STIM2: variants seen among roughly 807,000 people sequenced by gnomAD.
The protein encoded by STIM2 is stromal interaction molecule 2.
Under a neutral mutation model 85.8 loss-of-function variants are expected in STIM2, and 31 were observed. The ratio of observed to expected loss-of-function variants is 0.36; its 90% CI spans 0.27 to 0.49. The LOEUF is 0.49. STIM2 is among the 20% of genes least tolerant of loss of function. The pLI is 0.98. For synonymous variants in STIM2, 356 were observed against 331.1 expected (o/e 1.08, Z -0.82); for missense variants, 841 against 927.6 (o/e 0.91, Z 1.21).
At chr4:26,922,254 T>C (rs1724832100) in intron 2 of STIM2, among the ~76,000 whole-genome samples, 1 of 152,004 alleles carries the variant, frequency 6.6e-6, no homozygotes, top group Non-Finnish European at 1.5e-5. Flanking sequence ...AAAATAGAGG[T>C]AATTTATAGA....
intron 3 of STIM2, among the ~76,000 whole-genome samples, chr4:26,980,570 T>C (rs985412466): frequency 6.6e-6 from 1 of 152,096 alleles, no homozygotes; most frequent in African/African-American, 2.4e-5. Flanking sequence ...ATGGGAATTA[T>C]TGAATAGGCA....
At chr4:27,021,954 T>A (rs944259389) in intron 11 of STIM2, among the ~76,000 whole-genome samples, 4 of 152,178 alleles carry the variant, frequency 2.6e-5, no homozygotes, top group Non-Finnish European at 5.9e-5. Context: ...TTTTTAAAAA[T>A]AGCATCATAT....
At position 26,877,516 on chromosome 4, in the gene STIM2, G is replaced by GT. The variant is rs71643698; in HGVS notation, c.151+16160dup. ...TTGCTTTATCTCTTGACGATGGGTT[G>GT]TTTTTTTTTTTTTCCTTCTTTAAAT... On this transcript the variant is annotated intron_variant, in intron 1 of 11. Transcript: ENST00000467087. 6.3e-3 allele frequency among the ~76,000 whole-genome samples: 875 copies of GT among 139,046 alleles called. 4 individuals carry two copies. Among genetic ancestry groups the GT allele is most frequent in the African/African-American group, 0.018 (682 of 38,504 alleles). 91.2% of individuals were successfully genotyped at this position (139,046 alleles called of 152,430 possible).
chr4:26,864,800 C>G lies in STIM2; in HGVS notation c.151+3431C>G, dbSNP rs148059412. On this transcript the variant is annotated intron_variant, in intron 1 of 11. Coordinates refer to ENST00000467087, the MANE Select transcript of STIM2 (RefSeq NM_020860.4). Reference sequence around the variant, plus strand: ...CATATAATAGCATTTAGAATGGCCACTTTACCCAGTACTGTTACACACATC... The same window carrying G: ...CATATAATAGCATTTAGAATGGCCAGTTTACCCAGTACTGTTACACACATC... Among the ~76,000 whole-genome samples, 3 of 152,186 alleles carry G rather than the reference C, an allele frequency of 2.0e-5. No homozygotes were observed. The East Asian group carries it at 5.8e-4, about 29-fold the overall frequency.
intron 1 of STIM2, among the ~76,000 whole-genome samples, chr4:26,879,711 G>T (rs759960860): frequency 7.9e-5 from 12 of 152,080 alleles, no homozygotes; most frequent in African/African-American, 1.2e-4. Context: ...CCATCTCATG[G>T]ATACTTCATA....
intron 1 of STIM2, among the ~76,000 whole-genome samples, chr4:26,872,761 TGA>T (rs1344938410): frequency 6.6e-6 from 1 of 152,206 alleles, no homozygotes; most frequent in Non-Finnish European, 1.5e-5. Context: ...TTTTGAGTTG[TGA>T]GAAATGCTAT....
chr4:26,893,008 CT>C (rs568381555), intron 1 of STIM2, among the ~76,000 whole-genome samples: 14 of 152,294 alleles, frequency 9.2e-5, no homozygotes, highest in Middle Eastern at 3.4e-3. Context: ...CAAAATTCAT[CT>C]GTTTTCTGCA....
chr4:26,928,054 C>T (rs1200095093), intron 2 of STIM2, among the ~76,000 whole-genome samples: 1 of 151,796 alleles, frequency 6.6e-6, no homozygotes, highest in South Asian at 2.1e-4. Context: ...AAGATGGCTC[C>T]TTGAATGCTG....
intron 1 of STIM2, among the ~76,000 whole-genome samples, chr4:26,887,183 C>CTTTTTTTTTTTTTTTTT (rs34736602): frequency 2.8e-5 from 2 of 70,942 alleles, no homozygotes; most frequent in Non-Finnish European, 5.1e-5. Flanking sequence ...AATAATTAAA[C>CTTTTTTTTTTTTTTTTT]TTTTTTTTTT....
At chr4:26,932,023 T>C (rs542758622) in intron 2 of STIM2, among the ~76,000 whole-genome samples, 1 of 152,334 alleles carries the variant, frequency 6.6e-6, no homozygotes, top group South Asian at 2.1e-4. Flanking sequence ...TACTATTTGT[T>C]CCATCGTATA....
At chr4:26,886,857 C>A (rs1479217769) in intron 1 of STIM2, among the ~76,000 whole-genome samples, 1 of 152,164 alleles carries the variant, frequency 6.6e-6, no homozygotes, top group East Asian at 1.9e-4. Flanking sequence ...AAATGACACT[C>A]TAGAAGGTCT....
At chr4:26,988,793 G>A (rs561643778) in intron 3 of STIM2, among the ~76,000 whole-genome samples, 6 of 152,138 alleles carry the variant, frequency 3.9e-5, no homozygotes, top group African/African-American at 9.6e-5. Flanking sequence ...AGTTTTCATC[G>A]CTATCCTGAA....
intron 3 of STIM2, among the ~76,000 whole-genome samples, chr4:26,989,595 A>G (rs1237178707): frequency 6.6e-6 from 1 of 152,234 alleles, no homozygotes; most frequent in Non-Finnish European, 1.5e-5. Context: ...ATTCAGTGTA[A>G]TACCAGAAAT....
chr4:26,968,703 A>G (rs1430469584), intron 3 of STIM2, among the ~76,000 whole-genome samples: 2 of 152,178 alleles, frequency 1.3e-5, no homozygotes, highest in Non-Finnish European at 2.9e-5. Flanking sequence ...TTTCACCACA[A>G]TGAAGGATTT....
rs190365425 is a variant in STIM2, at chr4:26,995,331, T to C, written c.398-48T>C. The C allele has an allele frequency of 3.0e-5, 29 of 961,438 alleles. No individual in the cohort carries two copies. The East Asian group carries it at 7.6e-4, about 25-fold the overall frequency. 59.6% of individuals were successfully genotyped at this position (961,438 alleles called of 1,614,324 possible). ...TCTGAAATTATAGAATATGTATTTC[T>C]GAAAGCAGGTGTGTTTAAAATATGC... On this transcript the variant is annotated intron_variant, in intron 3 of 11. Transcript: ENST00000467087.
At chr4:26,959,555 C>A (rs1205893157) in intron 3 of STIM2, among the ~76,000 whole-genome samples, 3 of 152,020 alleles carry the variant, frequency 2.0e-5, no homozygotes, top group Non-Finnish European at 4.4e-5. Context: ...GCCTCACCCC[C>A]AAGAATGTAA....
At chr4:26,981,703 T>C (rs1727402878) in intron 3 of STIM2, among the ~76,000 whole-genome samples, 1 of 152,218 alleles carries the variant, frequency 6.6e-6, no homozygotes, top group African/African-American at 2.4e-5. Context: ...TTTTACGACG[T>C]TGGCCAGTAA....
At chr4:26,928,130 G>A (rs1431166683) in intron 2 of STIM2, among the ~76,000 whole-genome samples, 1 of 151,944 alleles carries the variant, frequency 6.6e-6, no homozygotes, top group Non-Finnish European at 1.5e-5. Flanking sequence ...GAGGCAAAAG[G>A]TGTGTAACTT....
chr4:27,018,045 AG>A, intron 11 of STIM2, 61 bp downstream of exon 11: 1 of 1,164,376 alleles, frequency 8.6e-7, no homozygotes, highest in Non-Finnish European at 1.3e-6. Context: ...AGGTGTGAGG[AG>A]GGGGCGGGAG....
Sources: allele counts gnomAD v4.1 joint callset (sites outside exome capture counted in the v4.1 genomes callset), GRCh38; gene constraint gnomAD v4.1.1; transcripts MANE v1.5; gene names NCBI Gene and HGNC (gene_info 2026-07-23, HGNC 2026-07-21).